Variants in STXBP5L observed in about 807,000 individuals in gnomAD.
STXBP5L encodes syntaxin-binding protein 5-like.
In STXBP5L, 65 loss-of-function variants were observed where a neutral mutation model predicts 144.5. That is an observed-to-expected ratio of 0.45 (90% confidence interval 0.37 to 0.55). The LOEUF is 0.55. STXBP5L is among the 20% of genes least tolerant of loss of function. The pLI, the probability that STXBP5L is intolerant of heterozygous loss-of-function variation, is 0.00. For synonymous variants in STXBP5L, 505 were observed against 469.6 expected (o/e 1.08, Z -0.97); for missense variants, 1,298 against 1,405.5 (o/e 0.92, Z 1.22).
intron 15 of STXBP5L, among the ~76,000 whole-genome samples, chr3:121,253,810 C>CT (rs34678687): frequency 0.13 from 12,737 of 94,856 alleles, 854 homozygotes; most frequent in Non-Finnish European, 0.16. Flanking sequence ...TTTTTTTTTT[C>CT]TTTTTTTTTT....
At chr3:121,081,763 G>T (rs1298860766) in intron 5 of STXBP5L, among the ~76,000 whole-genome samples, 1 of 152,182 alleles carries the variant, frequency 6.6e-6, no homozygotes, top group African/African-American at 2.4e-5. Flanking sequence ...GTGGGCAGAG[G>T]CCCAGTATTT....
intron 19 of STXBP5L, among the ~76,000 whole-genome samples, chr3:121,281,844 T>A (rs2051070881): frequency 1.3e-5 from 2 of 151,898 alleles, no homozygotes; most frequent in Admixed American, 1.3e-4. Context: ...ACTGAAATCT[T>A]TAGCTTTCTT....
chr3:121,076,304 G>T (rs9823442), intron 5 of STXBP5L, among the ~76,000 whole-genome samples: 15,104 of 152,122 alleles, frequency 0.099, 1,182 homozygotes, highest in Admixed American at 0.2. Flanking sequence ...GGCAGCTGGG[G>T]CAGCCTCCTG....
At chr3:121,236,446 T>C (rs1017523547) in intron 12 of STXBP5L, among the ~76,000 whole-genome samples, 5 of 152,226 alleles carry the variant, frequency 3.3e-5, no homozygotes, top group African/African-American at 1.2e-4. Flanking sequence ...GGTCTCAGGC[T>C]GTTTCTACTC....
chr3:121,014,588 G>T (rs1398581943), intron 3 of STXBP5L, among the ~76,000 whole-genome samples: 1 of 149,682 alleles, frequency 6.7e-6, no homozygotes, highest in East Asian at 1.9e-4. Context: ...TCTATCTTTT[G>T]GCTATTATGA....
intron 1 of STXBP5L, 122 bp from the exon 2 acceptor site, chr3:120,909,449 G>A (rs913793519): frequency 5.9e-6 from 5 of 840,884 alleles, no homozygotes; most frequent in African/African-American, 1.8e-5. Flanking sequence ...CCAGTCGGTC[G>A]TAACCAATGC....
At chr3:121,034,182 G>T (rs1406758464) in intron 3 of STXBP5L, among the ~76,000 whole-genome samples, 2 of 151,856 alleles carry the variant, frequency 1.3e-5, no homozygotes, top group Non-Finnish European at 2.9e-5. Flanking sequence ...TTGCAGTTTT[G>T]TTGCATGAAT....
intron 5 of STXBP5L, among the ~76,000 whole-genome samples, chr3:121,053,638 G>A (rs1948208857): frequency 6.6e-6 from 1 of 152,108 alleles, no homozygotes; most frequent in Non-Finnish European, 1.5e-5. Context: ...AAAAACCCTA[G>A]AAGAAAACCT....
At chr3:121,082,039 A>G (rs544353700) in intron 5 of STXBP5L, among the ~76,000 whole-genome samples, 15 of 152,336 alleles carry the variant, frequency 9.8e-5, no homozygotes, top group Non-Finnish European at 2.1e-4. Context: ...AAGCTTTAAA[A>G]TTGGATATAC....
At chr3:121,022,788 C>CA (rs1374555567) in intron 3 of STXBP5L, among the ~76,000 whole-genome samples, 1 of 152,134 alleles carries the variant, frequency 6.6e-6, no homozygotes, top group Non-Finnish European at 1.5e-5. Flanking sequence ...GACAAACCCA[C>CA]AGCCAACATT....
chr3:121,167,117 C>T (rs977061783), intron 9 of STXBP5L, among the ~76,000 whole-genome samples: 42 of 152,074 alleles, frequency 2.8e-4, no homozygotes, highest in African/African-American at 1.0e-3. Flanking sequence ...AGGAAGCAAG[C>T]ATTGAAAATA....
intron 3 of STXBP5L, among the ~76,000 whole-genome samples, chr3:120,994,170 T>C (rs1176010102): frequency 6.6e-6 from 1 of 152,148 alleles, no homozygotes; most frequent in East Asian, 1.9e-4. Flanking sequence ...TGAATTTGTT[T>C]ATTAGTTCTA....
chr3:121,271,085 C>G (rs2050721160), intron 18 of STXBP5L, among the ~76,000 whole-genome samples: 1 of 152,194 alleles, frequency 6.6e-6, no homozygotes, highest in African/African-American at 2.4e-5. Flanking sequence ...ATCAAACTTT[C>G]ACCCATTACA....
At chr3:120,971,504 G>A (rs1940247624) in intron 3 of STXBP5L, among the ~76,000 whole-genome samples, 1 of 151,700 alleles carries the variant, frequency 6.6e-6, no homozygotes, top group Non-Finnish European at 1.5e-5. Flanking sequence ...TGTGGTTTTT[G>A]ACTTTCTATT....
chr3:120,937,327 C>T (rs555873034), intron 2 of STXBP5L, among the ~76,000 whole-genome samples: 1 of 152,298 alleles, frequency 6.6e-6, no homozygotes, highest in Admixed American at 6.5e-5. Context: ...GTAATAACCT[C>T]ACAAAAGTGA....
intron 7 of STXBP5L, among the ~76,000 whole-genome samples, chr3:121,129,137 C>A (rs1044218755): frequency 6.6e-6 from 1 of 152,076 alleles, no homozygotes; most frequent in Non-Finnish European, 1.5e-5. Context: ...CACAGTAGAT[C>A]TAGTGGGTAT....
intron 9 of STXBP5L, among the ~76,000 whole-genome samples, chr3:121,187,132 C>T (rs975686415): frequency 6.6e-6 from 1 of 152,034 alleles, no homozygotes; most frequent in Non-Finnish European, 1.5e-5. Context: ...TATGGTGGCA[C>T]TATTCACAAT....
chr3:121,293,029 CG>C (rs768523454), intron 19 of STXBP5L, among the ~76,000 whole-genome samples: 78 of 151,116 alleles, frequency 5.2e-4, no homozygotes, highest in Non-Finnish European at 7.5e-4. Context: ...CCTATTAAAA[CG>C]AAAAAAAAAT....
At chr3:121,067,957 G>A (rs1267633996) in intron 5 of STXBP5L, among the ~76,000 whole-genome samples, 1 of 152,058 alleles carries the variant, frequency 6.6e-6, no homozygotes, top group African/African-American at 2.4e-5. Context: ...TATTGTCAAT[G>A]TCTTCATAGT....
Sources: gnomAD v4.1 joint callset for allele counts (sites outside exome capture counted in the v4.1 genomes callset) on GRCh38, gnomAD v4.1.1 for gene constraint, MANE v1.5 for transcripts, NCBI Gene and HGNC (gene_info 2026-07-23, HGNC 2026-07-21) for gene names.